Variants in BICRA observed in about 807,000 individuals in gnomAD.
BICRA encodes BRD4-interacting chromatin-remodeling complex-associated protein.
BICRA carries 31 observed loss-of-function variants against 96.9 expected under a neutral mutation model. The observed-to-expected ratio is 0.32, with a 90% CI of 0.24 to 0.43. The LOEUF is 0.43. BICRA is among the 20% of genes least tolerant of loss of function. The probability of loss-of-function intolerance (pLI) is 1.00; values close to 1 mark genes in which losing one functional copy is unlikely to be tolerated. For synonymous variants in BICRA, 1,350 were observed against 1,071.8 expected (o/e 1.26, Z -5.07); for missense variants, 2,283 against 2,190.3 (o/e 1.04, Z -0.84).
Position 47,681,140 on chromosome 19 carries a change from C to G in BICRA, c.1970C>G (p.Ala657Gly). 1 of 1,511,842 alleles carries G rather than the reference C, an allele frequency of 6.6e-7. No homozygotes were observed. Among genetic ancestry groups the G allele is most frequent in the Non-Finnish European group, 8.9e-7 (1 of 1,128,464 alleles). The allele number at this position is 1,511,842 out of a possible 1,614,324, so 93.7% of individuals were successfully genotyped here. Residue 657 changes from alanine to glycine, a missense_variant, in exon 6 of 15, where the codon GCC (alanine) becomes GGC (glycine). By Grantham distance (60) the Ala-to-Gly change is moderately conservative. Transcript: ENST00000594866. The part of the protein sequence containing the change: ...PPQAPTPQAA[A>G]PPQATTPQPS... ...CAGGCCCCCACCCCACAGGCCGCCGCCCCGCCTCAGGCCACCACCCCCCAG... is the reference window on the plus strand; with the variant it reads ...CAGGCCCCCACCCCACAGGCCGCCGGCCCGCCTCAGGCCACCACCCCCCAG...
chr19:47,667,981 C>G (rs1478606387), intron 1 of BICRA, among the ~76,000 whole-genome samples: 1 of 152,152 alleles, frequency 6.6e-6, no homozygotes, highest in Non-Finnish European at 1.5e-5. Flanking sequence ...GTAATCCCAG[C>G]ACTTTGGGAG....
intron 1 of BICRA, among the ~76,000 whole-genome samples, chr19:47,646,499 T>C (rs1568556225): frequency 6.6e-6 from 1 of 152,182 alleles, no homozygotes; most frequent in Non-Finnish European, 1.5e-5. Context: ...ATTTCTCCCA[T>C]GTGTTTTACT....
intron 1 of BICRA, among the ~76,000 whole-genome samples, chr19:47,616,441 A>C (rs1050991110): frequency 6.6e-6 from 1 of 152,202 alleles, no homozygotes; most frequent in Non-Finnish European, 1.5e-5. Flanking sequence ...GTTCGAGACC[A>C]GCCTGGCCAA....
At position 47,694,329 on chromosome 19, in the gene BICRA, G is replaced by T; in HGVS notation, c.2498G>T (p.Gly833Val). Residue 833 changes from glycine to valine, a missense_variant, in exon 8 of 15, where the codon GGC becomes GTC. Physicochemically the swap from Gly to Val is moderately radical, Grantham distance 109 (BLOSUM62 -3). Coordinates refer to ENST00000594866, the MANE Select transcript of BICRA (RefSeq NM_001394372.1). The stretch of plus-strand genomic sequence containing the variant: ...CCCCAGGCCCCCCCAACTCTGCCTG[G>T]CATCTTTGTCATCCAAAACCAGCTA... The part of the protein sequence containing the change: ...PPPQAPPTLP[G>V]IFVIQNQLGV... 8.0e-7 allele frequency: 1 copy of T among 1,248,134 alleles called. No individual in the cohort carries two copies. Among genetic ancestry groups the T allele is most frequent in the African/African-American group, 1.6e-5 (1 of 62,052 alleles). 77.3% of individuals were successfully genotyped at this position (1,248,134 alleles called of 1,614,324 possible).
In BICRA at chr19:47,676,067, C is replaced by T. The variant is rs867228927; in HGVS notation, c.150+151C>T. On this transcript the variant is annotated intron_variant, in intron 5 of 14. Coordinates refer to ENST00000594866, the MANE Select transcript of BICRA (RefSeq NM_001394372.1). The stretch of plus-strand genomic sequence containing the variant: ...TGGGCCACCCAGGGTGGCTGGACCA[C>T]CCTGGCAGTGCAGGAGGGAGCAGAG... Among the ~76,000 whole-genome samples the T allele has an allele frequency of 8.5e-5, 13 of 152,172 alleles. No homozygotes were observed. In the South Asian group the frequency reaches 2.5e-3, roughly 29 times the overall value.
At chr19:47,676,721 C>T (rs1399062695) in intron 5 of BICRA, among the ~76,000 whole-genome samples, 1 of 151,210 alleles carries the variant, frequency 6.6e-6, no homozygotes, top group African/African-American at 2.4e-5. Context: ...ATATCATATT[C>T]CAAATAGCTT....
In BICRA at chr19:47,699,238, C is replaced by T. The variant is rs956318465; in HGVS notation, c.3493-65C>T. 12 of 973,738 alleles carry T rather than the reference C, an allele frequency of 1.2e-5. No individual in the cohort carries two copies. The highest frequency in any genetic ancestry group is 1.2e-4 in the Admixed American group (6 of 50,046). 60.3% of individuals were successfully genotyped at this position (973,738 alleles called of 1,614,324 possible). ...GTTTGGACCTTGCACGCATCGTCCC[C>T]GTCGCTCGCGCCCCTTCCCCCTTCT... On this transcript the variant is annotated intron_variant, in intron 13 of 14. Transcript: ENST00000594866. This position sits in a 1 kb window ranked among gnomAD's most constrained non-coding sequence, Gnocchi z 5.0.
At chr19:47,685,786 T>TGTGTGTGCGCGCGCGCGC in intron 7 of BICRA, among the ~76,000 whole-genome samples, 92 of 117,938 alleles carry the variant, frequency 7.8e-4, no homozygotes, top group East Asian at 3.8e-3. Flanking sequence ...TGTGTGTGTG[T>TGTGTGTGCGCGCGCGCGC]GCGCGCGCGC....
chr19:47,618,762 G>A (rs1972019555), intron 1 of BICRA, among the ~76,000 whole-genome samples: 1 of 152,234 alleles, frequency 6.6e-6, no homozygotes, highest in Admixed American at 6.5e-5. Flanking sequence ...GAGGCTGTGA[G>A]ACCCTTGCTA....
In BICRA at chr19:47,641,315, C is replaced by T. The variant is rs1288502963; in HGVS notation, c.-107-29128C>T. ...TTGGATGCAATTTGATAAATGTGTA[C>T]CATTATTAACCATCATCACGATCAG... On this transcript the variant is annotated intron_variant, in intron 1 of 14. Transcript: ENST00000594866. 5.8e-4 allele frequency among the ~76,000 whole-genome samples: 88 copies of T among 151,890 alleles called. 2 individuals are homozygous for T. The highest frequency in any genetic ancestry group is 5.8e-3 in the Admixed American group (88 of 15,220).
rs1973074733 is a variant in BICRA at position 47,682,172 on chromosome 19, C to T, written c.2283+20C>T. On this transcript the variant is annotated intron_variant, in intron 7 of 14. Coordinates refer to ENST00000594866, the MANE Select transcript of BICRA (RefSeq NM_001394372.1). ...CCCCAGGTAGAGGGACCCCAGCAGC[C>T]TGTGTCCGCAGCACAGACCCAGCCT... 1 of 1,256,120 alleles carries T rather than the reference C, an allele frequency of 8.0e-7. No individual in the cohort carries two copies. The highest frequency in any genetic ancestry group is 2.5e-5 in the East Asian group (1 of 40,746). 77.8% of individuals were successfully genotyped at this position (1,256,120 alleles called of 1,614,324 possible).
At chr19:47,644,430 C>G (rs1972428357) in intron 1 of BICRA, among the ~76,000 whole-genome samples, 1 of 135,734 alleles carries the variant, frequency 7.4e-6, no homozygotes, top group Non-Finnish European at 1.6e-5. Context: ...CTTCCTCCCT[C>G]CCTCCCTTCC....
At chr19:47,679,089 T>G in intron 5 of BICRA, 1 of 384,824 alleles carries the variant, frequency 2.6e-6, no homozygotes, top group Non-Finnish European at 4.6e-6. Context: ...TAAAATTTTT[T>G]TCTCACTGCG....
At position 47,680,248 on chromosome 19, in the gene BICRA, C is replaced by T. The variant is rs764689057; in HGVS notation, c.1078C>T (p.Pro360Ser). 1 of 1,561,468 alleles carries T rather than the reference C, an allele frequency of 6.4e-7. No individual in the cohort carries two copies. The highest frequency in any genetic ancestry group is 1.4e-5 in the African/African-American group (1 of 73,466). Residue 360 changes from proline to serine, a missense_variant, in exon 6 of 15, where the codon CCG becomes TCG. Transcript: ENST00000594866. ...CCAGCCCAAGCCCGCGGGGGTGCTG[C>T]CGCCCAAGCTCTACCAGCTGACGCC... Reference protein sequence around the residue: ...PIQPKPAGVLPPKLYQLTPKP... With the variant: ...PIQPKPAGVLSPKLYQLTPKP...
chr19:47,640,485 A>C (rs1219151716), intron 1 of BICRA, among the ~76,000 whole-genome samples: 1 of 151,264 alleles, frequency 6.6e-6, no homozygotes, highest in African/African-American at 2.4e-5. Context: ...AGCCGAGATC[A>C]TGCCACTGCA....
chr19:47,630,113 T>G (rs985916456), intron 1 of BICRA, among the ~76,000 whole-genome samples: 1 of 151,038 alleles, frequency 6.6e-6, no homozygotes, highest in African/African-American at 2.4e-5. Flanking sequence ...CTCCCTTCCC[T>G]CAGCACCTCG....
chr19:47,680,678 C>A lies in BICRA; in HGVS notation c.1508C>A (p.Pro503His), dbSNP rs1489432921. Residue 503 changes from proline to histidine, a missense_variant, in exon 6 of 15, where the codon CCC becomes CAC. By Grantham distance (77) the Pro-to-His change is moderately conservative. Transcript: ENST00000594866. ...VGGQILAAAA[P>H]HTGGQLIANP... The stretch of plus-strand genomic sequence containing the variant: ...GGGCAGATCCTGGCGGCCGCTGCCC[C>A]CCACACAGGTGGACAGCTCATCGCG... 6.2e-7 allele frequency: 1 copy of A among 1,604,502 alleles called. No individual in the cohort carries two copies. Among genetic ancestry groups the A allele is most frequent in the Admixed American group, 1.7e-5 (1 of 58,836 alleles).
At chr19:47,629,094 C>T (rs1290029375) in intron 1 of BICRA, among the ~76,000 whole-genome samples, 6 of 152,012 alleles carry the variant, frequency 3.9e-5, no homozygotes, top group Non-Finnish European at 8.8e-5. Flanking sequence ...CTCCGCTTCC[C>T]GGGTTCAAAC....
chr19:47,665,783 C>T (rs931190716), intron 1 of BICRA, among the ~76,000 whole-genome samples: 19 of 152,210 alleles, frequency 1.2e-4, no homozygotes, highest in African/African-American at 1.9e-4. Flanking sequence ...TTTTCCATTG[C>T]GTTTATCTCA....
Sources: allele counts gnomAD v4.1 joint callset (sites outside exome capture counted in the v4.1 genomes callset), GRCh38; gene constraint gnomAD v4.1.1; non-coding constraint Gnocchi (gnomAD v3.1); transcripts MANE v1.5; gene names NCBI Gene and HGNC (gene_info 2026-07-23, HGNC 2026-07-21).